Variants in DLG1 observed in about 807,000 individuals in gnomAD.
DLG1 encodes the protein disks large homolog 1.
DLG1 carries 42 observed loss-of-function variants against 123.4 expected under a neutral mutation model. The observed-to-expected ratio is 0.34, with a 90% CI of 0.27 to 0.44. The LOEUF (loss-of-function observed/expected upper bound fraction) is 0.44. DLG1 is among the 20% of genes least tolerant of loss of function. The probability of loss-of-function intolerance (pLI) is 1.00; values close to 1 mark genes in which losing one functional copy is unlikely to be tolerated. For missense variants in DLG1, 942 were observed against 1,082.6 expected, an observed-to-expected ratio of 0.87 and a Z score of 1.82; for synonymous variants, 317 against 356.2, an observed-to-expected ratio of 0.89 and a Z score of 1.24.
intron 11 of DLG1, among the ~76,000 whole-genome samples, chr3:197,129,954 T>C (rs956064420): frequency 2.0e-5 from 3 of 152,036 alleles, no homozygotes; most frequent in Non-Finnish European, 4.4e-5. Context: ...GATATAATAA[T>C]AATGAAAAAA....
chr3:197,098,883 C>T (rs1762044354), intron 14 of DLG1, among the ~76,000 whole-genome samples: 2 of 152,210 alleles, frequency 1.3e-5, no homozygotes, highest in African/African-American at 4.8e-5. Context: ...TCTATATGTT[C>T]AAAACATACT....
Position 197,142,311 on chromosome 3 carries a change from T to C in DLG1, c.588+407A>G, listed in dbSNP as rs532510156. 6.1e-3 allele frequency among the ~76,000 whole-genome samples: 930 copies of C among 152,254 alleles called. 7 individuals are homozygous for C. Among genetic ancestry groups the C allele is most frequent in the Non-Finnish European group, 0.011 (725 of 68,016 alleles). On this transcript the variant is annotated intron_variant, in intron 7 of 24. Coordinates refer to ENST00000667157, the MANE Select transcript of DLG1 (RefSeq NM_001366207.1). ...GGCAGGATAACTAAACGTAATGTAG[T>C]TTCCTGGATGGGCCTCTGAGAGAGA...
chr3:197,049,525 C>T (rs979020762), intron 24 of DLG1, among the ~76,000 whole-genome samples: 10 of 151,966 alleles, frequency 6.6e-5, no homozygotes, highest in African/African-American at 1.9e-4. Context: ...GAGGCCAAGG[C>T]GGGCGGATCA....
intron 19 of DLG1, chr3:197,068,448 A>G: frequency 8.4e-7 from 1 of 1,189,618 alleles, no homozygotes; most frequent in Non-Finnish European, 1.2e-6. Flanking sequence ...GACGGTTAAA[A>G]GTATATACTG....
intron 18 of DLG1, chr3:197,069,602 T>A (rs1742202835): frequency 5.9e-6 from 1 of 169,438 alleles, no homozygotes; most frequent in African/African-American, 2.4e-5. Context: ...ACTATTTCAG[T>A]TTTTGAAACA....
chr3:197,163,012 G>C (rs1799439698), intron 5 of DLG1, among the ~76,000 whole-genome samples: 2 of 152,174 alleles, frequency 1.3e-5, no homozygotes, highest in South Asian at 4.1e-4. Flanking sequence ...AACACAAAGA[G>C]AAACAACCCA....
At chr3:197,282,097 T>TA (rs1560143646) in intron 4 of DLG1, among the ~76,000 whole-genome samples, 1 of 152,236 alleles carries the variant, frequency 6.6e-6, no homozygotes, top group Non-Finnish European at 1.5e-5. Flanking sequence ...ACCTCTGCTA[T>TA]ACCATATCCA....
At chr3:197,121,458 A>G (rs1310910974) in intron 11 of DLG1, among the ~76,000 whole-genome samples, 4 of 152,164 alleles carry the variant, frequency 2.6e-5, no homozygotes, top group Non-Finnish European at 2.9e-5. Flanking sequence ...AATCAGAAGT[A>G]GCAAGGCCAT....
chr3:197,256,058 T>C (rs1356411844), intron 4 of DLG1, among the ~76,000 whole-genome samples: 3 of 152,218 alleles, frequency 2.0e-5, no homozygotes, highest in Non-Finnish European at 4.4e-5. Flanking sequence ...ACAGGAAGAA[T>C]GGCGCTAATA....
intron 5 of DLG1, among the ~76,000 whole-genome samples, chr3:197,188,748 C>T (rs1297751965): frequency 6.6e-6 from 1 of 152,180 alleles, no homozygotes; most frequent in African/African-American, 2.4e-5. Context: ...AAAGAGACTA[C>T]TAGTCTAATA....
Position 197,140,266 on chromosome 3 carries a change from T to C in DLG1, c.589-2A>G, listed in dbSNP as rs1430777949. 1 of 1,612,190 alleles carries C rather than the reference T, an allele frequency of 6.2e-7. No individual in the cohort carries two copies. The highest frequency in any genetic ancestry group is 8.5e-7 in the Non-Finnish European group (1 of 1,179,220). ...GCTGAAACCAAGCCCTGAATTTCCC[T>C]GAGGATAGAAGAAAAAAAATTGAGA... is the stretch of plus-strand genomic sequence containing the variant. On this transcript the variant is annotated splice_acceptor_variant, in intron 7 of 24. Coordinates refer to ENST00000667157, the MANE Select transcript of DLG1 (RefSeq NM_001366207.1). LOFTEE classifies it high-confidence loss of function.
At chr3:197,243,385 T>C (rs1437849235) in intron 4 of DLG1, among the ~76,000 whole-genome samples, 1 of 152,216 alleles carries the variant, frequency 6.6e-6, no homozygotes, top group Non-Finnish European at 1.5e-5. Context: ...AAACTGTTTG[T>C]TCCTAACAAT....
chr3:197,273,527 C>T (rs1247238277), intron 4 of DLG1, among the ~76,000 whole-genome samples: 3 of 152,044 alleles, frequency 2.0e-5, no homozygotes, highest in Non-Finnish European at 2.9e-5. Flanking sequence ...CGTGAGCCAC[C>T]GCACCCGGCT....
At chr3:197,279,259 A>G (rs1029286609) in intron 4 of DLG1, among the ~76,000 whole-genome samples, 1 of 152,222 alleles carries the variant, frequency 6.6e-6, no homozygotes, top group African/African-American at 2.4e-5. Flanking sequence ...AGGTTTTTTA[A>G]AAAATCATTA....
In DLG1 at chr3:197,235,266, G is replaced by A. The variant is rs180697664; in HGVS notation, c.319-40677C>T. Among the ~76,000 whole-genome samples, 167 of 152,264 alleles carry A rather than the reference G, an allele frequency of 1.1e-3. 4 individuals carry two copies. The highest frequency in any genetic ancestry group is 0.011 in the Admixed American group (167 of 15,290). On this transcript the variant is annotated intron_variant, in intron 4 of 24. Transcript: ENST00000667157. ...AAAAATCAAGACTGGTGTTCAAGGAGACGGAAGCACTGGAATGTGCAAGGC... is the reference window on the plus strand; with the variant it reads ...AAAAATCAAGACTGGTGTTCAAGGAAACGGAAGCACTGGAATGTGCAAGGC...
At chr3:197,132,347 C>T (rs1027093699) in intron 10 of DLG1, among the ~76,000 whole-genome samples, 6 of 151,648 alleles carry the variant, frequency 4.0e-5, no homozygotes, top group Admixed American at 1.3e-4. Flanking sequence ...TTTAAATTAC[C>T]ATGTATTAAC....
chr3:197,248,186 C>G (rs1245591140), intron 4 of DLG1, among the ~76,000 whole-genome samples: 1 of 152,164 alleles, frequency 6.6e-6, no homozygotes, highest in African/African-American at 2.4e-5. Flanking sequence ...ATGTTCTGAC[C>G]AAGATATACT....
intron 19 of DLG1, among the ~76,000 whole-genome samples, chr3:197,067,099 ATCTG>A (rs1184341225): frequency 2.0e-5 from 3 of 152,132 alleles, no homozygotes; most frequent in Non-Finnish European, 4.4e-5. Context: ...TAATGAGCAG[ATCTG>A]TCTATCATCT....
At chr3:197,115,458 A>G (rs967006084) in intron 13 of DLG1, among the ~76,000 whole-genome samples, 2 of 152,198 alleles carry the variant, frequency 1.3e-5, no homozygotes, top group Non-Finnish European at 2.9e-5. Flanking sequence ...TCATTACATA[A>G]TAACAACTAT....
Sources: allele counts gnomAD v4.1 joint callset (sites outside exome capture counted in the v4.1 genomes callset), GRCh38; gene constraint gnomAD v4.1.1; transcripts MANE v1.5; gene names NCBI Gene and HGNC (gene_info 2026-07-23, HGNC 2026-07-21).